DNAH6: variants seen among roughly 807,000 people sequenced by gnomAD.
DNAH6 encodes the protein axonemal beta dynein heavy chain 6.
A neutral mutation model predicts 491.4 loss-of-function variants in DNAH6; 340 were observed. The observed-to-expected ratio is 0.69, with a 90% CI of 0.63 to 0.76. The LOEUF (loss-of-function observed/expected upper bound fraction) is 0.76. Ranked by LOEUF, DNAH6 falls within the 30% of genes least tolerant of loss-of-function variation. DNAH6 has a pLI of 0.00. For synonymous variants in DNAH6, 1,603 were observed against 1,686.1 expected, an observed-to-expected ratio of 0.95 and a Z score of 1.21; for missense variants, 4,443 against 4,972.2, an observed-to-expected ratio of 0.89 and a Z score of 3.20.
At chr2:84,735,751 C>A (rs771984346) in intron 62 of DNAH6, among the ~76,000 whole-genome samples, 5 of 152,064 alleles carry the variant, frequency 3.3e-5, no homozygotes, top group Middle Eastern at 3.4e-3. Flanking sequence ...GATTTAAGTT[C>A]TTTATAGATT....
intron 33 of DNAH6, among the ~76,000 whole-genome samples, chr2:84,643,130 A>G (rs533758507): frequency 1.3e-5 from 2 of 152,226 alleles, no homozygotes; most frequent in East Asian, 3.9e-4. Context: ...CTTTTGAAGG[A>G]TAATTTCACA....
At chr2:84,604,687 T>C in intron 19 of DNAH6, 136 bp downstream of exon 19, 2 of 673,364 alleles carry the variant, frequency 3.0e-6, no homozygotes, top group Non-Finnish European at 5.0e-6. Flanking sequence ...CTCTGTTGTT[T>C]CCTTACAACA....
At chr2:84,658,242 A>C in intron 35 of DNAH6, 50 bp from the exon 36 acceptor site, 2 of 1,282,512 alleles carry the variant, frequency 1.6e-6, no homozygotes, top group Non-Finnish European at 2.1e-6. Context: ...TTCTAAACTT[A>C]ATTATATATT....
chr2:84,661,281 G>C (rs1014395999), intron 37 of DNAH6, among the ~76,000 whole-genome samples: 4 of 151,934 alleles, frequency 2.6e-5, no homozygotes, highest in African/African-American at 9.7e-5. Flanking sequence ...TTTTTAAAAA[G>C]GAAATATCCT....
At chr2:84,501,200 T>G in the DNAH6 span, among the ~76,000 whole-genome samples, 1 of 152,210 alleles carries the variant, frequency 6.6e-6, no homozygotes, top group Non-Finnish European at 1.5e-5. Context: ...GATAGTTCAT[T>G]CTATCCCCAG....
At chr2:84,510,787 C>G in the DNAH6 span, among the ~76,000 whole-genome samples, 1 of 152,164 alleles carries the variant, frequency 6.6e-6, no homozygotes, top group African/African-American at 2.4e-5. Flanking sequence ...AGTTTTCCTT[C>G]TAACAGTCAG....
chr2:84,693,571 G>A (rs568339592), intron 45 of DNAH6, among the ~76,000 whole-genome samples: 9 of 151,856 alleles, frequency 5.9e-5, no homozygotes, highest in East Asian at 1.9e-4. Flanking sequence ...GTGAAACCCC[G>A]TCTCTACTAA....
chr2:84,583,351 T>A (rs368040211), intron 14 of DNAH6, among the ~76,000 whole-genome samples: 1 of 152,216 alleles, frequency 6.6e-6, no homozygotes, highest in Admixed American at 6.5e-5. Flanking sequence ...TAGAAAACTT[T>A]AAATATTGGC....
chr2:84,693,878 C>T (rs902658179), intron 45 of DNAH6, among the ~76,000 whole-genome samples: 51 of 152,106 alleles, frequency 3.4e-4, no homozygotes, highest in African/African-American at 1.2e-3. Flanking sequence ...AGTGATTTTT[C>T]TGCTTGCTCA....
chr2:84,713,402 TC>T, intron 57 of DNAH6, 143 bp downstream of exon 57: 1 of 771,304 alleles, frequency 1.3e-6, no homozygotes, highest in South Asian at 2.0e-5. Flanking sequence ...TCTTCCACCA[TC>T]TTCCATTCTT....
At chr2:84,675,269 C>T (rs1693124487) in intron 40 of DNAH6, among the ~76,000 whole-genome samples, 1 of 152,102 alleles carries the variant, frequency 6.6e-6, no homozygotes, top group Non-Finnish European at 1.5e-5. Flanking sequence ...CCTCCATCTC[C>T]CTCATTTTTA....
chr2:84,768,189 A>C (rs1675272256), intron 64 of DNAH6, among the ~76,000 whole-genome samples: 1 of 152,036 alleles, frequency 6.6e-6, no homozygotes, highest in South Asian at 2.1e-4. Flanking sequence ...TTATATAAAA[A>C]ACTATCTAAA....
chr2:84,559,530 G>C (rs574553533), intron 11 of DNAH6, among the ~76,000 whole-genome samples: 2 of 152,234 alleles, frequency 1.3e-5, no homozygotes, highest in South Asian at 2.1e-4. Context: ...CTGGGCAGCA[G>C]AGCAAGACTC....
chr2:84,623,062 A>T (rs1175822496), intron 26 of DNAH6, among the ~76,000 whole-genome samples: 2 of 152,122 alleles, frequency 1.3e-5, no homozygotes, highest in African/African-American at 4.8e-5. Context: ...GAGCAATTAG[A>T]CCCTTGTCTT....
intron 68 of DNAH6, among the ~76,000 whole-genome samples, chr2:84,794,283 T>C (rs1456544537): frequency 6.6e-6 from 1 of 152,094 alleles, no homozygotes; most frequent in Non-Finnish European, 1.5e-5. Context: ...ACTTCATGTC[T>C]AAAACACCAA....
the DNAH6 span, among the ~76,000 whole-genome samples, chr2:84,495,410 A>G: frequency 6.6e-6 from 1 of 152,180 alleles, no homozygotes; most frequent in East Asian, 1.9e-4. Flanking sequence ...TGATCCATCC[A>G]CTTTGGCCTC....
chr2:84,817,024 GA>G (rs1390815279), intron 76 of DNAH6, among the ~76,000 whole-genome samples: 1 of 152,084 alleles, frequency 6.6e-6, no homozygotes, highest in Non-Finnish European at 1.5e-5. Flanking sequence ...GAGAATGTTT[GA>G]AAAAATAATG....
chr2:84,752,125 T>C (rs1436696064), intron 63 of DNAH6, among the ~76,000 whole-genome samples: 1 of 152,180 alleles, frequency 6.6e-6, no homozygotes, highest in East Asian at 1.9e-4. Context: ...GTTTTCTCTG[T>C]TGAAAACCAT....
intron 4 of DNAH6, among the ~76,000 whole-genome samples, chr2:84,530,820 T>C (rs1677097239): frequency 6.6e-6 from 1 of 152,148 alleles, no homozygotes; most frequent in African/African-American, 2.4e-5. Flanking sequence ...GAGTACAGGA[T>C]GAGTTTAATG....
Sources: gnomAD v4.1 joint callset for allele counts (sites outside exome capture counted in the v4.1 genomes callset) on GRCh38, gnomAD v4.1.1 for gene constraint, MANE v1.5 for transcripts, NCBI Gene and HGNC (gene_info 2026-07-23, HGNC 2026-07-21) for gene names.